The following SLC44A1 variants were observed in gnomAD, a reference collection of about 807,000 sequenced individuals.
The protein encoded by SLC44A1 is solute carrier family 44 member 1, also known as choline transporter-like protein 1.
In SLC44A1, 26 loss-of-function variants were observed where a neutral mutation model predicts 79.3. The observed-to-expected ratio is 0.33, with a 90% CI of 0.24 to 0.46. SLC44A1 has a LOEUF of 0.46. SLC44A1 is among the 20% of genes least tolerant of loss of function. The probability of loss-of-function intolerance (pLI) is 1.00; values close to 1 mark genes in which losing one functional copy is unlikely to be tolerated. For synonymous variants in SLC44A1, 263 were observed against 286.2 expected, an observed-to-expected ratio of 0.92 and a Z score of 0.82; for missense variants, 688 against 798.1, an observed-to-expected ratio of 0.86 and a Z score of 1.66.
At chr9:105,278,912 G>A (rs975267699) in intron 1 of SLC44A1, among the ~76,000 whole-genome samples, 4 of 152,020 alleles carry the variant, frequency 2.6e-5, no homozygotes, top group Non-Finnish European at 5.9e-5. Flanking sequence ...GAGAAAAATT[G>A]CATGTGAGCC....
chr9:105,319,418 T>A (rs1341163828), intron 3 of SLC44A1, among the ~76,000 whole-genome samples: 10 of 152,120 alleles, frequency 6.6e-5, no homozygotes, highest in Non-Finnish European at 1.3e-4. Flanking sequence ...ACTTTCTCAG[T>A]GTCAGTGTGT....
chr9:105,298,341 G>T (rs57877883), intron 1 of SLC44A1, among the ~76,000 whole-genome samples: 6,042 of 148,946 alleles, frequency 0.041, 413 homozygotes, highest in African/African-American at 0.15. Context: ...CGTTTTTGTT[G>T]TTGTTGTTGT....
intron 9 of SLC44A1, 121 bp downstream of exon 9, chr9:105,363,128 T>G: frequency 1.3e-6 from 1 of 757,760 alleles, no homozygotes; most frequent in South Asian, 1.8e-5. Context: ...CCATCAGAAC[T>G]TGTAGTGGTT....
intron 4 of SLC44A1, among the ~76,000 whole-genome samples, chr9:105,340,475 GT>G (rs1489660835): frequency 1.3e-5 from 2 of 152,184 alleles, no homozygotes; most frequent in African/African-American, 4.8e-5. Flanking sequence ...TTGCACAACA[GT>G]TTGAATGAAC....
Position 105,244,915 on chromosome 9 carries a change from C to A in SLC44A1, c.36+11C>A. On this transcript the variant is annotated intron_variant, in intron 1 of 15. Transcript: ENST00000374720. ...TCCTCCGCCGCGCAGGTGAGGGGCT[C>A]CCGCCTCCCGGCCGCCCGCCCGGAT... is the stretch of plus-strand genomic sequence containing the variant. The A allele has an allele frequency of 8.5e-7, 1 of 1,180,576 alleles. No homozygotes were observed. Among genetic ancestry groups the A allele is most frequent in the Non-Finnish European group, 1.0e-6 (1 of 955,546 alleles). The allele number at this position is 1,180,576 out of a possible 1,614,324, so 73.1% of individuals were successfully genotyped here.
intron 15 of SLC44A1, among the ~76,000 whole-genome samples, chr9:105,434,366 G>A (rs752415706): frequency 2.6e-5 from 4 of 151,762 alleles, no homozygotes; most frequent in Non-Finnish European, 5.9e-5. Context: ...AAAATAGTTT[G>A]CAATTTAAAA....
At chr9:105,409,764 T>C (rs1035380987) in intron 15 of SLC44A1, among the ~76,000 whole-genome samples, 1 of 152,148 alleles carries the variant, frequency 6.6e-6, no homozygotes, top group African/African-American at 2.4e-5. Context: ...AAATCAACAA[T>C]AATAGTTGAG....
At chr9:105,354,456 T>TA (rs962140773) in intron 5 of SLC44A1, among the ~76,000 whole-genome samples, 2 of 152,160 alleles carry the variant, frequency 1.3e-5, no homozygotes, top group Non-Finnish European at 1.5e-5. Flanking sequence ...ACTTTTTGGT[T>TA]AAAAAAACAA....
intron 1 of SLC44A1, among the ~76,000 whole-genome samples, chr9:105,271,405 G>C (rs2131230802): frequency 6.6e-6 from 1 of 152,174 alleles, no homozygotes; most frequent in East Asian, 1.9e-4. Context: ...ATTCCAAGTG[G>C]GTGGAAGGAA....
At chr9:105,288,388 G>A (rs754257957) in intron 1 of SLC44A1, among the ~76,000 whole-genome samples, 10 of 151,946 alleles carry the variant, frequency 6.6e-5, no homozygotes, top group African/African-American at 9.7e-5. Flanking sequence ...TCGCTCTGTC[G>A]CCCTGGCCGG....
At chr9:105,399,952 T>G (rs1828935423), downstream of SLC44A1, among the ~76,000 whole-genome samples, 1 of 152,132 alleles carries the variant, frequency 6.6e-6, no homozygotes, top group Non-Finnish European at 1.5e-5. Flanking sequence ...TCCCAGCATT[T>G]TGGGTGGCCG....
chr9:105,415,501 A>G (rs1468423355), intron 15 of SLC44A1, among the ~76,000 whole-genome samples: 3 of 152,180 alleles, frequency 2.0e-5, no homozygotes, highest in Admixed American at 2.0e-4. Flanking sequence ...CCTTAGAGGG[A>G]GGCAGGAGTT....
intron 13 of SLC44A1, among the ~76,000 whole-genome samples, chr9:105,379,508 C>T (rs1446817901): frequency 3.9e-5 from 6 of 152,008 alleles, no homozygotes; most frequent in Non-Finnish European, 8.8e-5. Context: ...TACGTGGAAC[C>T]GTTCTACTAT....
At position 105,390,449 on chromosome 9, in the gene SLC44A1, A is replaced by G. The variant is rs1256970801; in HGVS notation, c.*1393A>G. On this transcript the variant is annotated 3_prime_UTR_variant, in exon 16 of 16. Coordinates refer to ENST00000374720, the MANE Select transcript of SLC44A1 (RefSeq NM_080546.5). ...TCTGTACAAAAAAAAAAAAAAAAAA[A>G]AAGCCTCAGCATTTTATCATTCCAT... is the stretch of plus-strand genomic sequence containing the variant. 3.1e-6 allele frequency: 3 copies of G among 974,740 alleles called. No individual in the cohort carries two copies. The highest frequency in any genetic ancestry group is 3.5e-5 in the African/African-American group (2 of 56,358). The allele number at this position is 974,740 out of a possible 1,614,324, so 60.4% of individuals were successfully genotyped here. A position where few individuals can be genotyped will look rare whatever the true frequency, so the allele number is the denominator to read the frequency against.
chr9:105,252,404 TGAACTCCTACCTTA>T (rs1438117582), intron 1 of SLC44A1, among the ~76,000 whole-genome samples: 1 of 152,218 alleles, frequency 6.6e-6, no homozygotes, highest in Non-Finnish European at 1.5e-5. Context: ...TAGAGGTGAT[TGAACTCCTACCTTA>T]GAACACTGGG....
At chr9:105,398,017 C>T (rs1828908961), downstream of SLC44A1, among the ~76,000 whole-genome samples, 1 of 152,142 alleles carries the variant, frequency 6.6e-6, no homozygotes, top group African/African-American at 2.4e-5. Context: ...GGAAGACATT[C>T]ATTGTGCCTG....
rs547619419 is a variant in SLC44A1 at position 105,277,695 on chromosome 9, A to T, written c.37-21525A>T. Among the ~76,000 whole-genome samples, 4 of 152,328 alleles carry T rather than the reference A, an allele frequency of 2.6e-5. No individual in the cohort carries two copies. In the South Asian group the frequency reaches 8.3e-4, roughly 32 times the overall value. ...GGCTGATGGGAGTTGGGACGGACCA[A>T]CTAAAACTGAGGAACTTTGTAAACC... On this transcript the variant is annotated intron_variant, in intron 1 of 15. Transcript: ENST00000374720.
At chr9:105,433,327 C>T (rs1037615919) in intron 15 of SLC44A1, among the ~76,000 whole-genome samples, 3 of 151,942 alleles carry the variant, frequency 2.0e-5, no homozygotes, top group African/African-American at 4.8e-5. Context: ...AAAAAACTTT[C>T]GCAAATCAGT....
At chr9:105,318,838 G>T (rs892256723) in intron 3 of SLC44A1, among the ~76,000 whole-genome samples, 17 of 151,858 alleles carry the variant, frequency 1.1e-4, no homozygotes, top group Non-Finnish European at 5.9e-5. Flanking sequence ...CAGCTAGGCG[G>T]CAAGGAAGGG....
Sources: gnomAD v4.1 joint callset for allele counts (sites outside exome capture counted in the v4.1 genomes callset) on GRCh38, gnomAD v4.1.1 for gene constraint, MANE v1.5 for transcripts, NCBI Gene and HGNC (gene_info 2026-07-23, HGNC 2026-07-21) for gene names.